The following DLG2 variants were observed in gnomAD, a reference collection of about 807,000 sequenced individuals.
The protein encoded by DLG2 is discs large MAGUK scaffold protein 2.
DLG2 carries 45 observed loss-of-function variants against 132.5 expected under a neutral mutation model. The observed-to-expected ratio is 0.34, with a 90% CI of 0.27 to 0.44. The LOEUF (loss-of-function observed/expected upper bound fraction) is 0.44, where lower values mean the gene tolerates loss of function less well. Among genes scored for constraint, DLG2 ranks in the 20% least tolerant of loss-of-function variants. The pLI is 1.00. For missense variants in DLG2, 1,045 were observed against 1,196.9 expected, an observed-to-expected ratio of 0.87 and a Z score of 1.87; for synonymous variants, 424 against 419.6, an observed-to-expected ratio of 1.01 and a Z score of -0.13.
chr11:84,407,057 T>C (rs1410131433), intron 7 of DLG2, among the ~76,000 whole-genome samples: 1 of 152,182 alleles, frequency 6.6e-6, no homozygotes, highest in East Asian at 1.9e-4. Flanking sequence ...ATTCAAGCCC[T>C]GACCTTTTGT....
At chr11:84,660,173 T>G (rs1214100327) in intron 6 of DLG2, among the ~76,000 whole-genome samples, 1 of 152,034 alleles carries the variant, frequency 6.6e-6, no homozygotes, top group Non-Finnish European at 1.5e-5. Context: ...ATCACAGTGT[T>G]AGACGATCCA....
chr11:83,958,479 C>T (rs2087529466), intron 14 of DLG2, among the ~76,000 whole-genome samples: 1 of 152,134 alleles, frequency 6.6e-6, no homozygotes, highest in Non-Finnish European at 1.5e-5. Flanking sequence ...AACTTGGTTT[C>T]TAACACTGAG....
chr11:84,838,518 C>G (rs563742096), intron 6 of DLG2, among the ~76,000 whole-genome samples: 1 of 151,886 alleles, frequency 6.6e-6, no homozygotes, highest in African/African-American at 2.4e-5. Flanking sequence ...CTGCTACAAC[C>G]ACTTGACAAA....
chr11:85,241,938 A>C (rs1457127463), intron 4 of DLG2, among the ~76,000 whole-genome samples: 1 of 152,008 alleles, frequency 6.6e-6, no homozygotes, highest in African/African-American at 2.4e-5. Context: ...AAATCCATAA[A>C]TTATAGGTTT....
At chr11:84,611,776 G>T (rs905392155) in intron 6 of DLG2, among the ~76,000 whole-genome samples, 7 of 152,048 alleles carry the variant, frequency 4.6e-5, no homozygotes, top group African/African-American at 1.7e-4. Context: ...AGAAATCAAA[G>T]ACTATACAAT....
At chr11:84,513,980 A>G (rs950057420) in intron 7 of DLG2, among the ~76,000 whole-genome samples, 15 of 152,090 alleles carry the variant, frequency 9.9e-5, no homozygotes, top group African/African-American at 3.6e-4. Flanking sequence ...AGGGAGCTCA[A>G]ACAACTCTAT....
intron 7 of DLG2, among the ~76,000 whole-genome samples, chr11:84,454,867 G>A (rs1453704352): frequency 6.6e-6 from 1 of 151,326 alleles, no homozygotes; most frequent in East Asian, 1.9e-4. Flanking sequence ...AGAGCAAAAG[G>A]GAACTTTAGG....
intron 6 of DLG2, among the ~76,000 whole-genome samples, chr11:85,036,356 C>G (rs2061433740): frequency 6.6e-6 from 1 of 152,244 alleles, no homozygotes; most frequent in South Asian, 2.1e-4. Flanking sequence ...CATCTCCCAC[C>G]CCCACTAGAA....
intron 18 of DLG2, among the ~76,000 whole-genome samples, chr11:83,701,803 G>A (rs2082995312): frequency 6.6e-6 from 1 of 152,180 alleles, no homozygotes; most frequent in African/African-American, 2.4e-5. Flanking sequence ...AAGAAGTCTA[G>A]TATGACTGGG....
intron 8 of DLG2, among the ~76,000 whole-genome samples, chr11:84,239,964 G>A (rs142735418): frequency 1.3e-5 from 2 of 152,198 alleles, no homozygotes; most frequent in East Asian, 3.9e-4. Context: ...CCATAATAAC[G>A]GGATCCCTCA....
At chr11:84,778,303 A>C (rs959633187) in intron 6 of DLG2, among the ~76,000 whole-genome samples, 1 of 152,020 alleles carries the variant, frequency 6.6e-6, no homozygotes, top group South Asian at 2.1e-4. Context: ...ATTCTGTTCT[A>C]TTGATCCATG....
At chr11:85,058,233 A>G (rs1374673141) in intron 6 of DLG2, among the ~76,000 whole-genome samples, 2 of 151,588 alleles carry the variant, frequency 1.3e-5, no homozygotes, top group South Asian at 2.1e-4. Flanking sequence ...ATAAAAATCA[A>G]TTGCATTTCT....
At chr11:84,003,863 G>A (rs1226882550) in intron 11 of DLG2, among the ~76,000 whole-genome samples, 1 of 152,100 alleles carries the variant, frequency 6.6e-6, no homozygotes, top group Non-Finnish European at 1.5e-5. Context: ...TAAATTCCTG[G>A]AAACATACAA....
chr11:85,305,456 T>C (rs890205087), intron 3 of DLG2, among the ~76,000 whole-genome samples: 11 of 152,362 alleles, frequency 7.2e-5, no homozygotes, highest in African/African-American at 2.6e-4. Context: ...CAGTGCTTAG[T>C]TGTAAAGTGG....
At chr11:85,311,937 T>A (rs571362605) in intron 3 of DLG2, among the ~76,000 whole-genome samples, 1 of 152,206 alleles carries the variant, frequency 6.6e-6, no homozygotes, top group Non-Finnish European at 1.5e-5. Context: ...ATATCTTTAT[T>A]GGTCTCTAGT....
intron 6 of DLG2, among the ~76,000 whole-genome samples, chr11:85,009,535 T>C (rs576315682): frequency 3.1e-4 from 47 of 152,234 alleles, no homozygotes; most frequent in African/African-American, 1.1e-3. Context: ...CCAGACGCTA[T>C]ATAAACTGGA....
intron 22 of DLG2, among the ~76,000 whole-genome samples, chr11:83,474,347 C>T (rs75113092): frequency 0.014 from 2,134 of 152,186 alleles, 48 homozygotes; most frequent in African/African-American, 0.048. Flanking sequence ...AGAGGGTATA[C>T]GCATTCAAGG....
At chr11:83,977,703 C>T (rs1364145372) in intron 12 of DLG2, among the ~76,000 whole-genome samples, 1 of 152,122 alleles carries the variant, frequency 6.6e-6, no homozygotes, top group Non-Finnish European at 1.5e-5. Flanking sequence ...TAACAGACTA[C>T]TGTGCTTTTG....
intron 10 of DLG2, among the ~76,000 whole-genome samples, chr11:84,061,471 T>G (rs949307894): frequency 6.6e-6 from 1 of 152,212 alleles, no homozygotes; most frequent in Non-Finnish European, 1.5e-5. Context: ...GATTAAGTCC[T>G]CTGCTTAAAG....
Sources: gnomAD v4.1 joint callset for allele counts (sites outside exome capture counted in the v4.1 genomes callset) on GRCh38, gnomAD v4.1.1 for gene constraint, MANE v1.5 for transcripts, NCBI Gene and HGNC (gene_info 2026-07-23, HGNC 2026-07-21) for gene names.